Variants in KANSL1 observed in about 807,000 individuals in gnomAD.
KANSL1 encodes MLL1/MLL complex subunit KANSL1.
KANSL1 carries 22 observed loss-of-function variants against 103.6 expected under a neutral mutation model. That is an observed-to-expected ratio of 0.21 (90% CI 0.15 to 0.30). The LOEUF (loss-of-function observed/expected upper bound fraction) is 0.30, where lower values mean the gene tolerates loss of function less well. KANSL1 is among the 10% of genes least tolerant of loss of function. The pLI, the probability that KANSL1 is intolerant of heterozygous loss-of-function variation, is 1.00. For missense variants in KANSL1, 1,337 were observed against 1,399.8 expected, an observed-to-expected ratio of 0.96 and a Z score of 0.72; for synonymous variants, 600 against 527.6, an observed-to-expected ratio of 1.14 and a Z score of -1.88.
intron 4 of KANSL1, among the ~76,000 whole-genome samples, chr17:46,068,239 C>A (rs1342008276): frequency 6.6e-6 from 1 of 152,076 alleles, no homozygotes; most frequent in African/African-American, 2.4e-5. Context: ...ATGCTAGAAG[C>A]TTGTTTTCTA....
chr17:46,066,909 T>C lies in KANSL1; in HGVS notation c.1653-177A>G, dbSNP rs111288789. Among the ~76,000 whole-genome samples, 1,185 of 152,366 alleles carry C rather than the reference T, an allele frequency of 7.8e-3. 9 individuals carry two copies. The highest frequency in any genetic ancestry group is 0.015 in the Non-Finnish European group (997 of 68,034). On this transcript the variant is annotated intron_variant, in intron 5 of 14. Transcript: ENST00000432791. Reference sequence around the variant, plus strand: ...GGTCTCCTCTTGATGTCTGTTAATCTACCTGTGTGTGCTTATGTGTAAGGT... The same window carrying C: ...GGTCTCCTCTTGATGTCTGTTAATCCACCTGTGTGTGCTTATGTGTAAGGT...
chr17:46,102,122 T>C (rs1213909789), intron 2 of KANSL1, among the ~76,000 whole-genome samples: 1 of 152,238 alleles, frequency 6.6e-6, no homozygotes, highest in African/African-American at 2.4e-5. Context: ...CACATTTTAG[T>C]TGTAAAGTAA....
chr17:46,132,492 T>C (rs1345832812), intron 2 of KANSL1, among the ~76,000 whole-genome samples: 9 of 152,142 alleles, frequency 5.9e-5, no homozygotes, highest in East Asian at 1.9e-4. Context: ...ATTTGGGAAA[T>C]TGTTAGAAGC....
At chr17:46,183,949 T>C (rs942701153) in intron 1 of KANSL1, among the ~76,000 whole-genome samples, 1 of 152,148 alleles carries the variant, frequency 6.6e-6, no homozygotes, top group African/African-American at 2.4e-5. Context: ...GAATTCAGCA[T>C]TGCCTATACA....
chr17:46,156,326 G>A (rs896691252), intron 2 of KANSL1, among the ~76,000 whole-genome samples: 2 of 152,106 alleles, frequency 1.3e-5, no homozygotes, highest in Non-Finnish European at 2.9e-5. Flanking sequence ...CAGCCTGGGC[G>A]ACAGACCGAG....
At chr17:46,202,274 C>A (rs142622029) in intron 1 of KANSL1, among the ~76,000 whole-genome samples, 67 of 152,316 alleles carry the variant, frequency 4.4e-4, no homozygotes, top group African/African-American at 1.5e-3. Flanking sequence ...GATCCCATCT[C>A]CAAGATAGTA....
chr17:46,161,369 G>A (rs2045733280), intron 2 of KANSL1, among the ~76,000 whole-genome samples: 1 of 151,868 alleles, frequency 6.6e-6, no homozygotes, highest in African/African-American at 2.4e-5. Flanking sequence ...CTGGAAGTTG[G>A]AGCTTGCAGT....
chr17:46,200,783 C>T (rs550612941), intron 1 of KANSL1, among the ~76,000 whole-genome samples: 6 of 152,178 alleles, frequency 3.9e-5, no homozygotes, highest in Middle Eastern at 6.8e-3. Flanking sequence ...ACGTCAGTTG[C>T]TGATTCTAAG....
chr17:46,038,570 T>C lies in KANSL1; in HGVS notation c.2509A>G (p.Ser837Gly), dbSNP rs776349500. The change falls in exon 10 of 15, where the codon AGC (serine) becomes GGC (glycine). Residue 837 changes from serine (S) to glycine (G), a missense_variant. By Grantham distance (56) the Ser-to-Gly change is moderately conservative (BLOSUM62 0). Around this residue, in one of 2 missense-constraint regions of KANSL1, gnomAD observed 780 missense variants for 923.4 expected, o/e 0.84. Transcript: ENST00000432791. The stretch of plus-strand genomic sequence containing the variant: ...CTGGCTGTAACCTGTGAGCTAGAGC[T>C]GGCGGGTGCAGGGGAATCTGAGGAG... ...STSSDSPAPA[S>G]SSSQVTASTS... 1.9e-6 allele frequency: 3 copies of C among 1,614,002 alleles called. No homozygotes were observed. The African/African-American group carries it at 4.0e-5, about 22-fold the overall frequency.
At position 46,105,931 on chromosome 17, in the gene KANSL1, ACACACACACACACACACC is replaced by A. The variant is rs1368371854; in HGVS notation, c.1290-11248_1290-11231del. Among the ~76,000 whole-genome samples, 582 of 107,292 alleles carry A rather than the reference ACACACACACACACACACC, an allele frequency of 5.4e-3. 3 individuals are homozygous for A. Among genetic ancestry groups the A allele is most frequent in the Middle Eastern group, 0.041 (10 of 244 alleles). The allele number at this position is 107,292 out of a possible 152,430, so 70.4% of individuals were successfully genotyped here. ...GACACACACACACACACACACACACACACACACACACACACACCCCCCCAGAAGGGTGAAGGAGCAGAA... is the reference window on the plus strand; with the variant it reads ...GACACACACACACACACACACACACACCCCCAGAAGGGTGAAGGAGCAGAA... On this transcript the variant is annotated intron_variant, in intron 2 of 14. Transcript: ENST00000432791.
chr17:46,064,104 A>C (rs1568406389), intron 6 of KANSL1, among the ~76,000 whole-genome samples: 1 of 150,738 alleles, frequency 6.6e-6, no homozygotes, highest in Admixed American at 6.6e-5. Flanking sequence ...TGTCAATATG[A>C]AAACCCTGCC....
intron 2 of KANSL1, among the ~76,000 whole-genome samples, chr17:46,128,081 G>A (rs1261351577): frequency 6.6e-6 from 1 of 152,008 alleles, no homozygotes; most frequent in Non-Finnish European, 1.5e-5. Flanking sequence ...TTTCCAAAGT[G>A]CTGGGGTTAC....
chr17:46,183,307 T>A lies in KANSL1; in HGVS notation c.-90+9516A>T, dbSNP rs557862988. Among the ~76,000 whole-genome samples, 8 of 151,980 alleles carry A rather than the reference T, an allele frequency of 5.3e-5. No individual in the cohort carries two copies. The East Asian group carries it at 1.4e-3, about 26-fold the overall frequency. On this transcript the variant is annotated intron_variant, in intron 1 of 14. Transcript: ENST00000432791. ...TTTTTTTTTAAATGATGGCCTACCA[T>A]GGTAGCTCACACTTATAAGCCCAGC...
At chr17:46,160,841 A>G (rs1477817065) in intron 2 of KANSL1, among the ~76,000 whole-genome samples, 1 of 152,226 alleles carries the variant, frequency 6.6e-6, no homozygotes, top group Non-Finnish European at 1.5e-5. Context: ...TTACACTAAA[A>G]AAGCTAGTGC....
At chr17:46,219,811 A>G (rs559754041) in intron 1 of KANSL1, among the ~76,000 whole-genome samples, 5 of 152,346 alleles carry the variant, frequency 3.3e-5, no homozygotes, top group Admixed American at 3.3e-4. Context: ...CTGTTCAAGA[A>G]CTATTCTCTC....
chr17:46,130,187 CA>C (rs35017603), intron 2 of KANSL1, among the ~76,000 whole-genome samples: 12,206 of 75,288 alleles, frequency 0.16, 484 homozygotes, highest in Non-Finnish European at 0.18. Context: ...ATCCTGTCTC[CA>C]AAAAAAAAAA....
chr17:46,067,702 T>TACCC, intron 4 of KANSL1, 35 bp from the exon 5 acceptor site: 1 of 1,123,530 alleles, frequency 8.9e-7, no homozygotes, highest in Non-Finnish European at 1.4e-6. Flanking sequence ...AATTAACATG[T>TACCC]ACCCAAGCGC....
At chr17:46,094,740 G>A (rs758536781) in intron 2 of KANSL1, 39 bp from the exon 3 acceptor site, 1 of 1,612,462 alleles carries the variant, frequency 6.2e-7, no homozygotes, top group Admixed American at 1.7e-5. Context: ...AAGAGTAGCA[G>A]TAATATCTAT....
chr17:46,102,683 T>C (rs2042373359), intron 2 of KANSL1, among the ~76,000 whole-genome samples: 1 of 152,238 alleles, frequency 6.6e-6, no homozygotes, highest in South Asian at 2.1e-4. Context: ...TGGTAGTTTA[T>C]TTCAGCCAAG....
Sources: gnomAD v4.1 joint callset for allele counts (sites outside exome capture counted in the v4.1 genomes callset) on GRCh38, gnomAD v4.1.1 for gene constraint, gnomAD v4.1.1 regional missense constraint, MANE v1.5 for transcripts, NCBI Gene and HGNC (gene_info 2026-07-23, HGNC 2026-07-21) for gene names.